GIMAP1: variants seen among roughly 807,000 people sequenced by gnomAD.
The protein encoded by GIMAP1 is GTPase, IMAP family member 1, also known as GTPase IMAP family member 1.
For synonymous variants in GIMAP1, 230 were observed against 187.7 expected, an observed-to-expected ratio of 1.23 and a Z score of -1.84; for missense variants, 423 against 411.9, an observed-to-expected ratio of 1.03 and a Z score of -0.23.
In GIMAP1 at chr7:150,720,920, G is replaced by T. The variant is rs1382756680; in HGVS notation, c.916G>T (p.Asp306Tyr). The T allele has an allele frequency of 6.4e-7, 1 of 1,554,038 alleles. No homozygotes were observed. Among genetic ancestry groups the T allele is most frequent in the Non-Finnish European group, 8.6e-7 (1 of 1,157,354 alleles). ...GGAGGCCGTTGCGGAGGTCGGGCCT[G>T]ACTGACAGCGCAGGTCCTAAAACTG... ...WSEAVAEVGPD is the reference protein window; with the variant it reads ...WSEAVAEVGPY The change falls in exon 3 of 3, where the codon GAC becomes TAC. Residue 306 changes from aspartate (D) to tyrosine (Y), a missense_variant. Transcript: ENST00000307194. This position sits in a 1 kb window ranked among gnomAD's most constrained non-coding sequence, Gnocchi z 4.5.
chr7:150,720,988 G>A lies in GIMAP1; in HGVS notation c.*63G>A. Reference sequence around the variant, plus strand: ...GGAGGCTGAATTCTTGGAGCTGAAGGGAAAACTTCATTCCAACGGAAGGAA... The same window carrying A: ...GGAGGCTGAATTCTTGGAGCTGAAGAGAAAACTTCATTCCAACGGAAGGAA... On this transcript the variant is annotated 3_prime_UTR_variant, in exon 3 of 3. Coordinates refer to ENST00000307194, the MANE Select transcript of GIMAP1 (RefSeq NM_130759.4). The surrounding 1 kb of genome is among the most constrained non-coding windows in gnomAD (Gnocchi z 4.5). The A allele has an allele frequency of 7.2e-7, 1 of 1,389,836 alleles. No homozygotes were observed. Among genetic ancestry groups the A allele is most frequent in the East Asian group, 2.5e-5 (1 of 39,664 alleles). 86.1% of individuals were successfully genotyped at this position (1,389,836 alleles called of 1,614,324 possible).
rs1797312171 is a variant in GIMAP1 at position 150,721,964 on chromosome 7, C to T, written c.*1039C>T. ...CTCTGGTTATGGAGAAGAGGCAGAG[C>T]ACCAGGTGCATAGGCTGAGACTGCA... is the stretch of plus-strand genomic sequence containing the variant. On this transcript the variant is annotated 3_prime_UTR_variant, in exon 3 of 3. Coordinates refer to ENST00000307194, the MANE Select transcript of GIMAP1 (RefSeq NM_130759.4). 6.6e-6 allele frequency: 1 copy of T among 152,040 alleles called. No individual in the cohort carries two copies. The highest frequency in any genetic ancestry group is 1.5e-5 in the Non-Finnish European group (1 of 68,092). 9.4% of individuals were successfully genotyped at this position (152,040 alleles called of 1,614,324 possible). A position where few individuals can be genotyped will look rare whatever the true frequency, so the allele number is the denominator to read the frequency against.
rs1797314668 is a variant in GIMAP1 at position 150,722,120 on chromosome 7, GA to G, written c.*1196del. The G allele has an allele frequency of 1.3e-5, 2 of 152,306 alleles. No individual in the cohort carries two copies. The highest frequency in any genetic ancestry group is 4.8e-5 in the African/African-American group (2 of 41,564). The allele number at this position is 152,306 out of a possible 1,614,324, so 9.4% of individuals were successfully genotyped here. A position where few individuals can be genotyped will look rare whatever the true frequency, so the allele number is the denominator to read the frequency against. On this transcript the variant is annotated 3_prime_UTR_variant, in exon 3 of 3. Transcript: ENST00000307194. ...ACTGGTTGTGCGAATCAAACAATAG[GA>G]TTTCCTTATTTCTATTTCTGAGCAT...
In GIMAP1 at chr7:150,721,007, G is replaced by T. The variant is rs1449071461; in HGVS notation, c.*82G>T. 23 of 1,287,586 alleles carry T rather than the reference G, an allele frequency of 1.8e-5. No individual in the cohort carries two copies. Among genetic ancestry groups the T allele is most frequent in the Non-Finnish European group, 2.4e-5 (23 of 970,866 alleles). 79.8% of individuals were successfully genotyped at this position (1,287,586 alleles called of 1,614,324 possible). ...CTGAAGGGAAAACTTCATTCCAACG[G>T]AAGGAATCCTGTAGTTTCAGGCATA... On this transcript the variant is annotated 3_prime_UTR_variant, in exon 3 of 3. Coordinates refer to ENST00000307194, the MANE Select transcript of GIMAP1 (RefSeq NM_130759.4).
At chr7:150,718,888 G>C (rs1026819154) in intron 1 of GIMAP1, among the ~76,000 whole-genome samples, 154 bp from the exon 2 acceptor site, 1 of 152,118 alleles carries the variant, frequency 6.6e-6, no homozygotes, top group Non-Finnish European at 1.5e-5. Context: ...TAGATTTTTA[G>C]ATCCTTGCAA....
Position 150,720,103 on chromosome 7 carries a change from T to C in GIMAP1, c.99T>C (p.Val33=), listed in dbSNP as rs995495314. 1.9e-6 allele frequency: 3 copies of C among 1,613,624 alleles called. No individual in the cohort carries two copies. Among genetic ancestry groups the C allele is most frequent in the African/African-American group, 2.7e-5 (2 of 74,932 alleles). ...RQESTRRLIL[V]GRTGAGKSAT... is the part of the protein sequence containing the mutation. ...AGTCCACGCGGAGGCTCATCCTTGT[T>C]GGGAGAACAGGGGCCGGGAAGAGCG... The change falls in exon 3 of 3, where the codon GTT becomes GTC. Residue 33 remains valine, a synonymous_variant. Coordinates refer to ENST00000307194, the MANE Select transcript of GIMAP1 (RefSeq NM_130759.4). The surrounding 1 kb of genome is among the most constrained non-coding windows in gnomAD (Gnocchi z 4.5).
rs77131309 is a variant in GIMAP1, at chr7:150,723,406, G to T, written c.*2481G>T. 6.6e-6 allele frequency: 1 copy of T among 151,866 alleles called. No individual in the cohort carries two copies. The highest frequency in any genetic ancestry group is 2.1e-4 in the South Asian group (1 of 4,822). 9.4% of individuals were successfully genotyped at this position (151,866 alleles called of 1,614,324 possible). On this transcript the variant is annotated 3_prime_UTR_variant, in exon 3 of 3. Transcript: ENST00000307194. Reference sequence around the variant, plus strand: ...CATAGATAACAGAAAATTCTTTCGCGCAAGCATGTCATTGTATTAATGATA... The same window carrying T: ...CATAGATAACAGAAAATTCTTTCGCTCAAGCATGTCATTGTATTAATGATA...
In GIMAP1 at chr7:150,723,219, T is replaced by TC. The variant is rs1563367143; in HGVS notation, c.*2294_*2295insC. 1 of 151,634 alleles carries TC rather than the reference T, an allele frequency of 6.6e-6. No individual in the cohort carries two copies. Among genetic ancestry groups the TC allele is most frequent in the African/African-American group, 2.4e-5 (1 of 41,312 alleles). 9.4% of individuals were successfully genotyped at this position (151,634 alleles called of 1,614,324 possible). On this transcript the variant is annotated 3_prime_UTR_variant, in exon 3 of 3. Transcript: ENST00000307194. ...TTTTCAGATACTTTGATTATGATCTTTTTTTTTTCATCTTTGTATCCCCGT... is the reference window on the plus strand; with the variant it reads ...TTTTCAGATACTTTGATTATGATCTTCTTTTTTTTCATCTTTGTATCCCCGT...
Position 150,724,075 on chromosome 7 carries a change from T to A in GIMAP1, c.*3150T>A, listed in dbSNP as rs139914242. The A allele has an allele frequency of 1.1e-4, 16 of 152,272 alleles. No homozygotes were observed. In the East Asian group the frequency reaches 3.1e-3, roughly 29 times the overall value. 9.4% of individuals were successfully genotyped at this position (152,272 alleles called of 1,614,324 possible). ...GCACAGTAGCCCTAGCAAATGCCAG[T>A]GCTCCTTCCAGAGATTCACCTATGG... On this transcript the variant is annotated 3_prime_UTR_variant, in exon 3 of 3. Transcript: ENST00000307194.
Position 150,720,897 on chromosome 7 carries a change from A to T in GIMAP1, c.893A>T (p.Glu298Val). The T allele has an allele frequency of 6.3e-7, 1 of 1,588,844 alleles. No homozygotes were observed. Among genetic ancestry groups the T allele is most frequent in the Non-Finnish European group, 8.5e-7 (1 of 1,172,762 alleles). The change falls in exon 3 of 3, where the codon GAG becomes GTG. Residue 298 changes from glutamate (E) to valine (V), a missense_variant. Coordinates refer to ENST00000307194, the MANE Select transcript of GIMAP1 (RefSeq NM_130759.4). The surrounding 1 kb of genome is among the most constrained non-coding windows in gnomAD (Gnocchi z 4.5). ...FWVLLHRRWS[E>V]AVAEVGPD The stretch of plus-strand genomic sequence containing the variant: ...GTGCTGCTCCACAGGCGGTGGTCGG[A>T]GGCCGTTGCGGAGGTCGGGCCTGAC...
At position 150,720,626 on chromosome 7, in the gene GIMAP1, G is replaced by A; in HGVS notation, c.622G>A (p.Val208Ile). 6.2e-7 allele frequency: 1 copy of A among 1,613,142 alleles called. No homozygotes were observed. The highest frequency in any genetic ancestry group is 8.5e-7 in the Non-Finnish European group (1 of 1,179,530). Reference sequence around the variant, plus strand: ...CCAGGTGGAGCAGCTGCTGGGGATGGTCGAGGGCTTGGTGCTGGAGCACAA... The same window carrying A: ...CCAGGTGGAGCAGCTGCTGGGGATGATCGAGGGCTTGGTGCTGGAGCACAA... ...EAQVEQLLGM[V>I]EGLVLEHKGA... The change falls in exon 3 of 3, where the codon GTC becomes ATC. Residue 208 changes from valine (V) to isoleucine (I), a missense_variant. Transcript: ENST00000307194. The surrounding 1 kb of genome is among the most constrained non-coding windows in gnomAD (Gnocchi z 4.5).
At position 150,720,640 on chromosome 7, in the gene GIMAP1, G is replaced by T. The variant is rs1379738658; in HGVS notation, c.636G>T (p.Val212=). Residue 212 remains valine (V), a synonymous_variant, in exon 3 of 3, where the codon GTG becomes GTT. Transcript: ENST00000307194. This position sits in a 1 kb window ranked among gnomAD's most constrained non-coding sequence, Gnocchi z 4.5. ...EQLLGMVEGL[V]LEHKGAHYSN... ...TGCTGGGGATGGTCGAGGGCTTGGTGCTGGAGCACAAGGGCGCCCATTACT... is the reference window on the plus strand; with the variant it reads ...TGCTGGGGATGGTCGAGGGCTTGGTTCTGGAGCACAAGGGCGCCCATTACT... The T allele has an allele frequency of 6.8e-6, 11 of 1,611,788 alleles. No individual in the cohort carries two copies. The highest frequency in any genetic ancestry group is 9.3e-6 in the Non-Finnish European group (11 of 1,178,884).
At chr7:150,719,834 T>C (rs993637083) in intron 2 of GIMAP1, among the ~76,000 whole-genome samples, 3 of 152,376 alleles carry the variant, frequency 2.0e-5, no homozygotes, top group African/African-American at 7.2e-5. Flanking sequence ...ACTATTGGGC[T>C]GGACTGATAA....
Position 150,720,024 on chromosome 7 carries a change from A to G in GIMAP1, c.44-24A>G, listed in dbSNP as rs764890975. The G allele has an allele frequency of 1.3e-6, 2 of 1,523,510 alleles. No individual in the cohort carries two copies. Among genetic ancestry groups the G allele is most frequent in the Admixed American group, 4.2e-5 (2 of 47,912 alleles). The allele number at this position is 1,523,510 out of a possible 1,614,324, so 94.4% of individuals were successfully genotyped here. A position where few individuals can be genotyped will look rare whatever the true frequency, so the allele number is the denominator to read the frequency against. On this transcript the variant is annotated intron_variant, in intron 2 of 2. Coordinates refer to ENST00000307194, the MANE Select transcript of GIMAP1 (RefSeq NM_130759.4). This position sits in a 1 kb window ranked among gnomAD's most constrained non-coding sequence, Gnocchi z 4.5. ...AGGGGAAGTTGGTTAAACTTAAGTAAGATTATAACACTTGGTCTCACAGGT... is the reference window on the plus strand; with the variant it reads ...AGGGGAAGTTGGTTAAACTTAAGTAGGATTATAACACTTGGTCTCACAGGT...
chr7:150,721,812 G>GA lies in GIMAP1; in HGVS notation c.*891dup, dbSNP rs11371535. 41,176 of 139,722 alleles carry GA rather than the reference G, an allele frequency of 0.29. 7,895 individuals carry two copies. The highest frequency in any genetic ancestry group is 0.56 in the African/African-American group (19,752 of 35,348). The allele number at this position is 139,722 out of a possible 1,614,324, so 8.7% of individuals were successfully genotyped here. A position where few individuals can be genotyped will look rare whatever the true frequency, so the allele number is the denominator to read the frequency against. On this transcript the variant is annotated 3_prime_UTR_variant, in exon 3 of 3. Coordinates refer to ENST00000307194, the MANE Select transcript of GIMAP1 (RefSeq NM_130759.4). ...CTGTCTCAAAAAAAAAAAAAGAAAA[G>GA]AAAAGAAAAAGAAAAAGAGTAGGAT...
chr7:150,719,381 A>G, intron 2 of GIMAP1: 1 of 377,324 alleles, frequency 2.7e-6, no homozygotes, highest in South Asian at 7.6e-5. Flanking sequence ...CACTACAGTG[A>G]ACATGATTTG....
chr7:150,720,472 C>G lies in GIMAP1; in HGVS notation c.468C>G (p.Asp156Glu). 1 of 1,571,988 alleles carries G rather than the reference C, an allele frequency of 6.4e-7. No homozygotes were observed. Among genetic ancestry groups the G allele is most frequent in the South Asian group, 1.2e-5 (1 of 83,480 alleles). ...TCATCGTCTTCACCAGGAAGGAGGA[C>G]CTGGCCGGGGGCTCCCTGCACGATT... Reference protein sequence around the residue: ...WMVIVFTRKEDLAGGSLHDYV... With the variant: ...WMVIVFTRKEELAGGSLHDYV... Residue 156 changes from aspartate to glutamate, a missense_variant, in exon 3 of 3, where the codon GAC (aspartate) becomes GAG (glutamate). Coordinates refer to ENST00000307194, the MANE Select transcript of GIMAP1 (RefSeq NM_130759.4). This position sits in a 1 kb window ranked among gnomAD's most constrained non-coding sequence, Gnocchi z 4.5.
rs1797312544 is a variant in GIMAP1 at position 150,721,991 on chromosome 7, ACACCTG to A, written c.*1067_*1072del. The A allele has an allele frequency of 6.6e-6, 1 of 152,206 alleles. No individual in the cohort carries two copies. The highest frequency in any genetic ancestry group is 2.1e-4 in the South Asian group (1 of 4,828). The allele number at this position is 152,206 out of a possible 1,614,324, so 9.4% of individuals were successfully genotyped here. Reference sequence around the variant, plus strand: ...CCAGGTGCATAGGCTGAGACTGCAGACACCTGAGCATCCTATGCTGTGAGGCGAAAG... The same window carrying A: ...CCAGGTGCATAGGCTGAGACTGCAGAAGCATCCTATGCTGTGAGGCGAAAG... On this transcript the variant is annotated 3_prime_UTR_variant, in exon 3 of 3. Coordinates refer to ENST00000307194, the MANE Select transcript of GIMAP1 (RefSeq NM_130759.4).
Position 150,723,871 on chromosome 7 carries a change from T to A in GIMAP1, c.*2946T>A, listed in dbSNP as rs541829159. On this transcript the variant is annotated 3_prime_UTR_variant, in exon 3 of 3. Coordinates refer to ENST00000307194, the MANE Select transcript of GIMAP1 (RefSeq NM_130759.4). Reference sequence around the variant, plus strand: ...AAATGTATGGGTCCTGTGCTGATAATGTTTCTGTTCATATTTCTATGCCCT... The same window carrying A: ...AAATGTATGGGTCCTGTGCTGATAAAGTTTCTGTTCATATTTCTATGCCCT... The A allele has an allele frequency of 5.9e-5, 9 of 152,334 alleles. No homozygotes were observed. Among genetic ancestry groups the A allele is most frequent in the Middle Eastern group, 3.4e-3 (1 of 294 alleles). The allele number at this position is 152,334 out of a possible 1,614,324, so 9.4% of individuals were successfully genotyped here.
Sources: allele counts gnomAD v4.1 joint callset (sites outside exome capture counted in the v4.1 genomes callset), GRCh38; gene constraint gnomAD v4.1.1; non-coding constraint Gnocchi (gnomAD v3.1); transcripts MANE v1.5; gene names NCBI Gene and HGNC (gene_info 2026-07-23, HGNC 2026-07-21).